Variants in KCNG3 observed in about 807,000 individuals in gnomAD.
KCNG3 encodes potassium voltage-gated channel modifier subfamily G member 3, also known as voltage-gated potassium channel regulatory subunit KCNG3.
In KCNG3, 15 loss-of-function variants were observed where a neutral mutation model predicts 29.0. That is an observed-to-expected ratio of 0.52 (90% CI 0.35 to 0.80). The LOEUF is 0.80. Among genes scored for constraint, KCNG3 ranks in the 30% least tolerant of loss-of-function variants. KCNG3 has a pLI of 0.01. For synonymous variants in KCNG3, 322 were observed against 248.9 expected, an observed-to-expected ratio of 1.29 and a Z score of -2.76; for missense variants, 512 against 605.7, an observed-to-expected ratio of 0.85 and a Z score of 1.62.
the KCNG3 span, chr2:42,388,402 C>T: frequency 6.6e-6 from 1 of 152,158 alleles, no homozygotes; most frequent in Non-Finnish European, 1.5e-5. Context: ...TTGATATTCA[C>T]TACAGAAAAT....
In KCNG3 at chr2:42,457,668, C is replaced by CACACACA. The variant is rs1553327831; in HGVS notation, c.666-13090_666-13089insTGTGTGT. Among the ~76,000 whole-genome samples, 450 of 149,674 alleles carry CACACACA rather than the reference C, an allele frequency of 3.0e-3. 1 individual carries two copies. Among genetic ancestry groups the CACACACA allele is most frequent in the African/African-American group, 6.9e-3 (278 of 40,170 alleles). On this transcript the variant is annotated intron_variant, in intron 1 of 1. Coordinates refer to ENST00000306078, the MANE Select transcript of KCNG3 (RefSeq NM_133329.6). ...ACACACACACACACACACACACACA[C>CACACACA]AAGGCTGGGCGCAGTGGCTCACACC...
At chr2:42,451,105 T>A (rs573962846) in intron 1 of KCNG3, among the ~76,000 whole-genome samples, 4 of 141,632 alleles carry the variant, frequency 2.8e-5, no homozygotes, top group African/African-American at 1.1e-4. Flanking sequence ...CTCGGGAGAC[T>A]GAGGCAGGAG....
intron 1 of KCNG3, among the ~76,000 whole-genome samples, chr2:42,482,295 C>G (rs1455745550): frequency 6.6e-6 from 1 of 152,222 alleles, no homozygotes; most frequent in Non-Finnish European, 1.5e-5. Context: ...ATATAACCTA[C>G]AGATCGGGCA....
the KCNG3 span, among the ~76,000 whole-genome samples, chr2:42,408,590 A>C: frequency 6.6e-6 from 1 of 151,998 alleles, no homozygotes; most frequent in East Asian, 1.9e-4. Flanking sequence ...ACTTGTTGGG[A>C]CACCCTGGAA....
At chr2:42,428,759 CA>C in the KCNG3 span, among the ~76,000 whole-genome samples, 328 of 152,292 alleles carry the variant, frequency 2.2e-3, 2 homozygotes, top group Middle Eastern at 0.014. Flanking sequence ...ATCCACAACT[CA>C]AATACCACTT....
intron 1 of KCNG3, among the ~76,000 whole-genome samples, chr2:42,461,157 T>C (rs1394691250): frequency 1.1e-5 from 1 of 90,442 alleles, no homozygotes; most frequent in Non-Finnish European, 2.0e-5. Context: ...CAAGACTCTG[T>C]CTCCAAAAAC....
chr2:42,425,980 G>A, the KCNG3 span, among the ~76,000 whole-genome samples: 4 of 152,166 alleles, frequency 2.6e-5, no homozygotes, highest in African/African-American at 7.2e-5. Context: ...AGCTGTAGGT[G>A]GTTCTCAAAG....
rs980235717 is a variant in KCNG3, at chr2:42,443,774, A to C, written c.*160T>G. 1 of 638,170 alleles carries C rather than the reference A, an allele frequency of 1.6e-6. No homozygotes were observed. The highest frequency in any genetic ancestry group is 2.6e-6 in the Non-Finnish European group (1 of 377,788). 39.5% of individuals were successfully genotyped at this position (638,170 alleles called of 1,614,324 possible). A position where few individuals can be genotyped will look rare whatever the true frequency, so the allele number is the denominator to read the frequency against. On this transcript the variant is annotated 3_prime_UTR_variant, in exon 2 of 2. Transcript: ENST00000306078. ...CAGTCTCAATTCTATTTACTCCATA[A>C]CAAGTAAACTGTTTTATCCCTTCGG...
intron 1 of KCNG3, among the ~76,000 whole-genome samples, chr2:42,473,105 C>T (rs1051049305): frequency 6.9e-4 from 103 of 149,890 alleles, no homozygotes; most frequent in Non-Finnish European, 1.2e-3. Flanking sequence ...ACCGTGTTAG[C>T]CCAGATGGTC....
intron 1 of KCNG3, among the ~76,000 whole-genome samples, chr2:42,447,708 T>A (rs1212729624): frequency 6.6e-6 from 1 of 151,986 alleles, no homozygotes; most frequent in African/African-American, 2.4e-5. Context: ...TTCTTTTTTT[T>A]ATACTTTTTA....
rs1182248790 is a variant in KCNG3, at chr2:42,472,902, TA to T, written c.665+19934del. On this transcript the variant is annotated intron_variant, in intron 1 of 1. Transcript: ENST00000306078. ...AGATCTATCGATAGATATATATATATATTTTTTTTTTTTTTTTGAAACAGAG... is the reference window on the plus strand; with the variant it reads ...AGATCTATCGATAGATATATATATATTTTTTTTTTTTTTTTTGAAACAGAG... 1.0e-3 allele frequency among the ~76,000 whole-genome samples: 89 copies of T among 87,086 alleles called. 2 individuals are homozygous for T. The East Asian group carries it at 0.015, about 15-fold the overall frequency. 57.1% of individuals were successfully genotyped at this position (87,086 alleles called of 152,430 possible).
At chr2:42,434,458 CAAAAAAAAAAAA>C in the KCNG3 span, among the ~76,000 whole-genome samples, 14 of 31,236 alleles carry the variant, frequency 4.5e-4, no homozygotes, top group African/African-American at 1.8e-3. Context: ...GACACTGTCT[CAAAAAAAAAAAA>C]AAAAAAAAAA....
Position 42,475,323 on chromosome 2 carries a change from C to CT in KCNG3, c.665+17513dup, listed in dbSNP as rs11365655. On this transcript the variant is annotated intron_variant, in intron 1 of 1. Coordinates refer to ENST00000306078, the MANE Select transcript of KCNG3 (RefSeq NM_133329.6). Reference sequence around the variant, plus strand: ...TGAGTGACAGAACAAGCCTCTGTCTCTTTTTTTTTTTTTTTTTTTTGAGAT... The same window carrying CT: ...TGAGTGACAGAACAAGCCTCTGTCTCTTTTTTTTTTTTTTTTTTTTTGAGAT... Among the ~76,000 whole-genome samples the CT allele has an allele frequency of 8.6e-3, 903 of 104,670 alleles. 13 individuals carry two copies. The highest frequency in any genetic ancestry group is 0.028 in the African/African-American group (822 of 29,246). The allele number at this position is 104,670 out of a possible 152,430, so 68.7% of individuals were successfully genotyped here.
the KCNG3 span, among the ~76,000 whole-genome samples, chr2:42,390,698 C>CT: frequency 1.3e-5 from 2 of 151,918 alleles, no homozygotes; most frequent in Admixed American, 1.3e-4. Context: ...CTGAAAAAGT[C>CT]TTTGTTCTTT....
chr2:42,466,967 G>A (rs1673157390), intron 1 of KCNG3, among the ~76,000 whole-genome samples: 1 of 151,938 alleles, frequency 6.6e-6, no homozygotes, highest in Admixed American at 6.6e-5. Context: ...TGGCCGGGCT[G>A]GTCTCCAACT....
intron 1 of KCNG3, among the ~76,000 whole-genome samples, chr2:42,472,177 T>C (rs1350305885): frequency 6.6e-6 from 1 of 152,168 alleles, no homozygotes. Context: ...AAACTATTCA[T>C]TGCAGCACTA....
chr2:42,488,614 A>C (rs565915369), intron 1 of KCNG3, among the ~76,000 whole-genome samples: 11 of 149,918 alleles, frequency 7.3e-5, no homozygotes, highest in African/African-American at 2.7e-4. Flanking sequence ...CAGTAGCGTG[A>C]TATCGGCTTA....
rs1673981631 is a variant in KCNG3, at chr2:42,493,643, C to G, written c.-142G>C. Reference sequence around the variant, plus strand: ...GCTCCCTCGGGGCTCCGCTCCTGCCCTCCGCTGGCCCGGGGGTCCCTGGGC... The same window carrying G: ...GCTCCCTCGGGGCTCCGCTCCTGCCGTCCGCTGGCCCGGGGGTCCCTGGGC... On this transcript the variant is annotated 5_prime_UTR_variant, in exon 1 of 2. Coordinates refer to ENST00000306078, the MANE Select transcript of KCNG3 (RefSeq NM_133329.6). The G allele has an allele frequency of 1.6e-6, 1 of 637,906 alleles. No homozygotes were observed. The highest frequency in any genetic ancestry group is 3.8e-5 in the East Asian group (1 of 26,552). 39.5% of individuals were successfully genotyped at this position (637,906 alleles called of 1,614,324 possible).
chr2:42,436,233 G>C, the KCNG3 span, among the ~76,000 whole-genome samples: 1 of 152,216 alleles, frequency 6.6e-6, no homozygotes, highest in East Asian at 1.9e-4. Context: ...CAGGGGATGA[G>C]TGGAGTGGAA....
Sources: allele counts gnomAD v4.1 joint callset (sites outside exome capture counted in the v4.1 genomes callset), GRCh38; gene constraint gnomAD v4.1.1; transcripts MANE v1.5; gene names NCBI Gene and HGNC (gene_info 2026-07-23, HGNC 2026-07-21).